NFIA: variants seen among roughly 807,000 people sequenced by gnomAD.
NFIA encodes the protein nuclear factor 1 A-type.
In NFIA, 8 loss-of-function variants were observed where a neutral mutation model predicts 62.8. The ratio of observed to expected loss-of-function variants is 0.13; its 90% CI spans 0.07 to 0.23. The LOEUF (loss-of-function observed/expected upper bound fraction) is 0.23, where lower values mean the gene tolerates loss of function less well. NFIA is among the 10% of genes least tolerant of loss of function. The pLI is 1.00. For synonymous variants in NFIA, 235 were observed against 238.1 expected, an observed-to-expected ratio of 0.99 and a Z score of 0.12; for missense variants, 410 against 642.1, an observed-to-expected ratio of 0.64 and a Z score of 3.91.
In NFIA at chr1:61,283,596, A is replaced by AAAAAAAAG. The variant is rs1553168479; in HGVS notation, c.625+6018_625+6019insGAAAAAAA. Among the ~76,000 whole-genome samples the AAAAAAAAG allele has an allele frequency of 1.9e-4, 28 of 146,128 alleles. 2 individuals are homozygous for AAAAAAAAG. Among genetic ancestry groups the AAAAAAAAG allele is most frequent in the Admixed American group, 1.1e-3 (15 of 13,586 alleles). ...GACTCTGTCTCAAAAAAAAAAAAAA[A>AAAAAAAAG]AAAAAAAAAAAAGATTTATGTGTAG... On this transcript the variant is annotated intron_variant, in intron 3 of 10. Coordinates refer to ENST00000403491, the MANE Select transcript of NFIA (RefSeq NM_001134673.4).
At chr1:61,355,720 G>A (rs1052879832) in intron 5 of NFIA, among the ~76,000 whole-genome samples, 1 of 152,094 alleles carries the variant, frequency 6.6e-6, no homozygotes, top group East Asian at 1.9e-4. Flanking sequence ...AGCTAGGACT[G>A]TAGGCATCTG....
At chr1:61,377,107 C>G (rs2100473779) in intron 6 of NFIA, among the ~76,000 whole-genome samples, 1 of 151,802 alleles carries the variant, frequency 6.6e-6, no homozygotes, top group South Asian at 2.1e-4. Context: ...CCTGTAGACC[C>G]AGCTACTCAG....
At position 61,340,160 on chromosome 1, in the gene NFIA, T is replaced by C. The variant is rs561113055; in HGVS notation, c.700+7574T>C. On this transcript the variant is annotated intron_variant, in intron 4 of 10. Coordinates refer to ENST00000403491, the MANE Select transcript of NFIA (RefSeq NM_001134673.4). ...GAAGCTTCTGATAAATTTACCAGAC[T>C]ATGAATACTCTTATTATAAAGATTT... Among the ~76,000 whole-genome samples the C allele has an allele frequency of 8.5e-5, 13 of 152,214 alleles. No individual in the cohort carries two copies. In the South Asian group the frequency reaches 2.3e-3, roughly 27 times the overall value.
intron 2 of NFIA, among the ~76,000 whole-genome samples, chr1:61,232,778 C>A (rs904560671): frequency 1.3e-5 from 2 of 151,858 alleles, no homozygotes; most frequent in Non-Finnish European, 2.9e-5. Context: ...ACTTTCTTCC[C>A]TTTTTATGTA....
At chr1:61,431,512 AC>A (rs762630402) in intron 10 of NFIA, among the ~76,000 whole-genome samples, 11 of 152,252 alleles carry the variant, frequency 7.2e-5, no homozygotes, top group Non-Finnish European at 1.3e-4. Context: ...AAACCAAATT[AC>A]CATTTGGACT....
rs17122176 is a variant in NFIA, at chr1:61,407,014, A to G, written c.1420+287A>G. Among the ~76,000 whole-genome samples the G allele has an allele frequency of 8.7e-4, 133 of 152,330 alleles. 6 individuals carry two copies. The East Asian group carries it at 0.023, about 26-fold the overall frequency. ...TTTTGTATATTATTTGAGGGATTTC[A>G]AATGCTATTCCCATCATCAAGCAGC... On this transcript the variant is annotated intron_variant, in intron 9 of 10. Transcript: ENST00000403491.
chr1:61,450,445 T>C (rs545445041), intron 10 of NFIA, among the ~76,000 whole-genome samples: 5 of 152,192 alleles, frequency 3.3e-5, no homozygotes, highest in East Asian at 3.9e-4. Context: ...ACTGGAGTAG[T>C]GTGAAGTAGT....
intron 2 of NFIA, among the ~76,000 whole-genome samples, chr1:61,101,634 C>T (rs1173693506): frequency 6.6e-6 from 1 of 152,142 alleles, no homozygotes; most frequent in Non-Finnish European, 1.5e-5. Flanking sequence ...TCCTAAAACA[C>T]AGCCAAGTCC....
intron 10 of NFIA, among the ~76,000 whole-genome samples, chr1:61,438,766 T>C (rs946399599): frequency 2.6e-5 from 4 of 152,016 alleles, no homozygotes; most frequent in African/African-American, 9.7e-5. Context: ...AAAATCCCAG[T>C]GCAAAAACAA....
intron 3 of NFIA, among the ~76,000 whole-genome samples, chr1:61,292,971 C>T (rs909699153): frequency 5.3e-5 from 8 of 152,172 alleles, no homozygotes; most frequent in African/African-American, 1.9e-4. Flanking sequence ...TTGGGTTGAG[C>T]ACCTTCTCTG....
At chr1:61,337,679 CA>C (rs1312291783) in intron 4 of NFIA, among the ~76,000 whole-genome samples, 3 of 152,208 alleles carry the variant, frequency 2.0e-5, no homozygotes, top group Non-Finnish European at 4.4e-5. Context: ...CATGATGCTG[CA>C]TTTTCAAACA....
intron 3 of NFIA, among the ~76,000 whole-genome samples, chr1:61,291,840 T>A (rs1007064239): frequency 6.6e-6 from 1 of 152,222 alleles, no homozygotes; most frequent in Non-Finnish European, 1.5e-5. Context: ...TATGGTGACA[T>A]AATGTCATAT....
intron 2 of NFIA, among the ~76,000 whole-genome samples, chr1:61,115,797 A>G (rs1646784154): frequency 6.6e-6 from 1 of 152,230 alleles, no homozygotes; most frequent in Non-Finnish European, 1.5e-5. Context: ...GAGAAGGTCC[A>G]CATATGGTGC....
chr1:61,290,066 TA>T (rs1425115701), intron 3 of NFIA, among the ~76,000 whole-genome samples: 2 of 151,860 alleles, frequency 1.3e-5, no homozygotes, highest in Admixed American at 1.3e-4. Context: ...ATTACATTCT[TA>T]TTTTTTTATG....
At chr1:61,225,553 C>CTTTTTT (rs71244590) in intron 2 of NFIA, among the ~76,000 whole-genome samples, 1 of 122,578 alleles carries the variant, frequency 8.2e-6, no homozygotes, top group Non-Finnish European at 1.7e-5. Context: ...CCAGCTCGTA[C>CTTTTTT]TTTTTTTTTT....
chr1:61,434,588 A>G (rs566987314), intron 10 of NFIA, among the ~76,000 whole-genome samples: 1 of 152,314 alleles, frequency 6.6e-6, no homozygotes, highest in East Asian at 1.9e-4. Context: ...CGAGCCATTA[A>G]TTCTAGATAC....
intron 3 of NFIA, among the ~76,000 whole-genome samples, chr1:61,313,755 TAC>T (rs1443100412): frequency 6.6e-6 from 1 of 152,206 alleles, no homozygotes; most frequent in African/African-American, 2.4e-5. Context: ...ACACATTGAT[TAC>T]AATAATGGTT....
chr1:61,397,076 C>T (rs1665319202), intron 7 of NFIA, among the ~76,000 whole-genome samples: 2 of 151,956 alleles, frequency 1.3e-5, no homozygotes, highest in African/African-American at 2.4e-5. Flanking sequence ...AGTATGGACA[C>T]TCAAGGATTG....
intron 9 of NFIA, among the ~76,000 whole-genome samples, chr1:61,408,216 C>G (rs1665939476): frequency 6.6e-6 from 1 of 152,212 alleles, no homozygotes; most frequent in Non-Finnish European, 1.5e-5. Flanking sequence ...AGAGGTGATT[C>G]AACACTTGTC....
Sources: gnomAD v4.1 joint callset for allele counts (sites outside exome capture counted in the v4.1 genomes callset) on GRCh38, gnomAD v4.1.1 for gene constraint, MANE v1.5 for transcripts, NCBI Gene and HGNC (gene_info 2026-07-23, HGNC 2026-07-21) for gene names.